MDH1B: variants seen among roughly 807,000 people sequenced by gnomAD.
MDH1B encodes the protein malate dehydrogenase 1B, also known as putative malate dehydrogenase 1B.
Under a neutral mutation model 61.4 loss-of-function variants are expected in MDH1B, and 60 were observed. The observed-to-expected ratio is 0.98, with a 90% CI of 0.79 to 1.21. MDH1B has a LOEUF of 1.21. Among genes scored for constraint, MDH1B ranks in the 50% most tolerant of loss-of-function variants. MDH1B has a pLI of 0.00. For missense variants in MDH1B, 587 were observed against 632.1 expected (o/e 0.93, Z 0.76); for synonymous variants, 236 against 218.7 (o/e 1.08, Z -0.70).
At chr2:206,762,275 A>G (rs1433850587) in intron 1 of MDH1B, among the ~76,000 whole-genome samples, 2 of 152,154 alleles carry the variant, frequency 1.3e-5, no homozygotes, top group Non-Finnish European at 1.5e-5. Flanking sequence ...CTTTACAAAA[A>G]CCAACCCAAA....
At chr2:206,752,457 C>T (rs1261323520) in intron 5 of MDH1B, among the ~76,000 whole-genome samples, 1 of 151,866 alleles carries the variant, frequency 6.6e-6, no homozygotes, top group East Asian at 1.9e-4. Context: ...ATGATTCCTG[C>T]AGTAGGAATA....
chr2:206,739,251 C>CA (rs908629430), intron 11 of MDH1B, among the ~76,000 whole-genome samples: 2 of 151,598 alleles, frequency 1.3e-5, no homozygotes, highest in Non-Finnish European at 2.9e-5. Context: ...CCTAGATCTA[C>CA]AAAAAAAATT....
Position 206,745,691 on chromosome 2 carries a change from T to C in MDH1B, c.1357-18A>G. 2 of 1,537,524 alleles carry C rather than the reference T, an allele frequency of 1.3e-6. No homozygotes were observed. The highest frequency in any genetic ancestry group is 1.1e-5 in the South Asian group (1 of 87,430). On this transcript the variant is annotated intron_variant, in intron 8 of 11. Coordinates refer to ENST00000374412, the MANE Select transcript of MDH1B (RefSeq NM_001039845.3). Reference sequence around the variant, plus strand: ...AGTTTCTCCTGTTGAAATTTTATAATCACAGAATTAAATGACCACAATTCC... The same window carrying C: ...AGTTTCTCCTGTTGAAATTTTATAACCACAGAATTAAATGACCACAATTCC...
At chr2:206,763,010 G>A (rs911426253) in intron 1 of MDH1B, among the ~76,000 whole-genome samples, 1 of 151,394 alleles carries the variant, frequency 6.6e-6, no homozygotes, top group Non-Finnish European at 1.5e-5. Flanking sequence ...TCATTCCCTT[G>A]GCTTCAAGTA....
At chr2:206,762,679 C>T (rs1016979512) in intron 1 of MDH1B, among the ~76,000 whole-genome samples, 2 of 152,196 alleles carry the variant, frequency 1.3e-5, no homozygotes, top group Non-Finnish European at 2.9e-5. Flanking sequence ...CTCAGTTCTT[C>T]ACTTCCATTT....
chr2:206,742,952 T>C (rs1687900003), intron 9 of MDH1B, among the ~76,000 whole-genome samples: 1 of 152,154 alleles, frequency 6.6e-6, no homozygotes, highest in African/African-American at 2.4e-5. Flanking sequence ...CCTGACTTTG[T>C]GATCTGCCCA....
rs201554464 is a variant in MDH1B at position 206,744,922 on chromosome 2, C to CTAAA, written c.1408+696_1408+699dup. Among the ~76,000 whole-genome samples the CTAAA allele has an allele frequency of 1.3e-3, 194 of 150,458 alleles. 3 individuals carry two copies. The highest frequency in any genetic ancestry group is 1.3e-3 in the South Asian group (6 of 4,766). ...TCTGGGCAACAGAGCAAGACTCTGT[C>CTAAA]TAAATAAATAAATAAATAAATAAAT... On this transcript the variant is annotated intron_variant, in intron 9 of 11. Transcript: ENST00000374412.
chr2:206,760,856 C>T lies in MDH1B; in HGVS notation c.135+45G>A, dbSNP rs1420772123. On this transcript the variant is annotated intron_variant, in intron 2 of 11. Transcript: ENST00000374412. ...GTTAATATTTAATCAAATTAAAACACATTTTGTGCATGAGTGAGTTCAACA... is the reference window on the plus strand; with the variant it reads ...GTTAATATTTAATCAAATTAAAACATATTTTGTGCATGAGTGAGTTCAACA... 2.8e-6 allele frequency: 3 copies of T among 1,082,802 alleles called. No individual in the cohort carries two copies. The African/African-American group carries it at 4.7e-5, about 17-fold the overall frequency. 67.1% of individuals were successfully genotyped at this position (1,082,802 alleles called of 1,614,324 possible). A position where few individuals can be genotyped will look rare whatever the true frequency, so the allele number is the denominator to read the frequency against.
At chr2:206,756,021 C>T (rs1018277406) in intron 4 of MDH1B, among the ~76,000 whole-genome samples, 3 of 151,732 alleles carry the variant, frequency 2.0e-5, no homozygotes, top group Admixed American at 6.6e-5. Flanking sequence ...TATCTGTAGC[C>T]ACAATTCTGC....
chr2:206,746,360 A>C lies in MDH1B; in HGVS notation c.1283T>G (p.Val428Gly), dbSNP rs1025885067. ...MPVKFENGTWVVLTDLKDVEI... is the reference protein window; with the variant it reads ...MPVKFENGTWGVLTDLKDVEI... ...AACATCTTTGAGATCTGTAAGAACC[A>C]CCCAAGTTCCATTCTCAAATTTCAC... Residue 428 changes from valine to glycine, a missense_variant, in exon 8 of 12, where the codon GTG becomes GGG. Physicochemically the swap from Val to Gly is moderately radical, Grantham distance 109. Transcript: ENST00000374412. 1.9e-6 allele frequency: 3 copies of C among 1,614,024 alleles called. No individual in the cohort carries two copies. The highest frequency in any genetic ancestry group is 2.5e-6 in the Non-Finnish European group (3 of 1,179,956).
intron 2 of MDH1B, among the ~76,000 whole-genome samples, chr2:206,758,783 A>G (rs75841960): frequency 1.4e-5 from 2 of 138,858 alleles, no homozygotes; most frequent in African/African-American, 5.8e-5. Flanking sequence ...CACACACACA[A>G]AAAAAAAACT....
chr2:206,758,779 C>A (rs12465959), intron 2 of MDH1B, among the ~76,000 whole-genome samples: 18,620 of 147,878 alleles, frequency 0.13, 1,683 homozygotes, highest in African/African-American at 0.26. Flanking sequence ...AACACACACA[C>A]ACAAAAAAAA....
chr2:206,753,079 G>A (rs1688545812), intron 5 of MDH1B, among the ~76,000 whole-genome samples: 1 of 152,142 alleles, frequency 6.6e-6, no homozygotes, highest in African/African-American at 2.4e-5. Flanking sequence ...AAGCATGTGA[G>A]TCTGGGATGC....
chr2:206,757,222 A>C lies in MDH1B; in HGVS notation c.270+15T>G. On this transcript the variant is annotated intron_variant, in intron 3 of 11. Coordinates refer to ENST00000374412, the MANE Select transcript of MDH1B (RefSeq NM_001039845.3). ...AGAATTATCATTATTAGAACAGATAAGTTAACTTATATACCTGAGCATGCT... is the reference window on the plus strand; with the variant it reads ...AGAATTATCATTATTAGAACAGATACGTTAACTTATATACCTGAGCATGCT... The C allele has an allele frequency of 6.2e-7, 1 of 1,602,710 alleles. No homozygotes were observed. Among genetic ancestry groups the C allele is most frequent in the Non-Finnish European group, 8.5e-7 (1 of 1,175,554 alleles).
At chr2:206,760,588 G>A (rs549810432) in intron 2 of MDH1B, among the ~76,000 whole-genome samples, 2 of 152,216 alleles carry the variant, frequency 1.3e-5, no homozygotes, top group South Asian at 4.1e-4. Context: ...TCCCAAATAA[G>A]TCATTGGAAA....
intron 7 of MDH1B, among the ~76,000 whole-genome samples, chr2:206,747,191 C>T (rs1688164222): frequency 6.6e-6 from 1 of 151,858 alleles, no homozygotes; most frequent in African/African-American, 2.4e-5. Context: ...AACAACAAAA[C>T]ATTGAGGACA....
At chr2:206,755,864 G>A (rs1319672241) in intron 4 of MDH1B, among the ~76,000 whole-genome samples, 2 of 150,416 alleles carry the variant, frequency 1.3e-5, no homozygotes, top group Admixed American at 1.3e-4. Flanking sequence ...GTAAGTTTCA[G>A]TTAGCCATAG....
intron 2 of MDH1B, among the ~76,000 whole-genome samples, chr2:206,760,598 A>ACTTT (rs1689033102): frequency 6.6e-6 from 1 of 152,204 alleles, no homozygotes; most frequent in Non-Finnish European, 1.5e-5. Context: ...GTCATTGGAA[A>ACTTT]TCAATACCAA....
Position 206,757,220 on chromosome 2 carries a change from T to C in MDH1B, c.270+17A>G. 1 of 1,601,542 alleles carries C rather than the reference T, an allele frequency of 6.2e-7. No individual in the cohort carries two copies. The highest frequency in any genetic ancestry group is 8.5e-7 in the Non-Finnish European group (1 of 1,174,740). ...AGAGAATTATCATTATTAGAACAGA[T>C]AAGTTAACTTATATACCTGAGCATG... On this transcript the variant is annotated intron_variant, in intron 3 of 11. Coordinates refer to ENST00000374412, the MANE Select transcript of MDH1B (RefSeq NM_001039845.3).
Sources: allele counts gnomAD v4.1 joint callset (sites outside exome capture counted in the v4.1 genomes callset), GRCh38; gene constraint gnomAD v4.1.1; transcripts MANE v1.5; gene names NCBI Gene and HGNC (gene_info 2026-07-23, HGNC 2026-07-21).